The following CRPPA variants were observed in gnomAD, a reference collection of about 807,000 sequenced individuals.
CRPPA encodes CDP-L-ribitol pyrophosphorylase A.
CRPPA carries 43 observed loss-of-function variants against 52.0 expected under a neutral mutation model. The ratio of observed to expected loss-of-function variants is 0.83; its 90% CI spans 0.65 to 1.07. The LOEUF (loss-of-function observed/expected upper bound fraction) is 1.07, where lower values mean the gene tolerates loss of function less well. Among genes scored for constraint, CRPPA ranks in the 50% least tolerant of loss-of-function variants. The pLI is 0.00. For missense variants in CRPPA, 629 were observed against 551.7 expected, an observed-to-expected ratio of 1.14 and a Z score of -1.40; for synonymous variants, 250 against 203.5, an observed-to-expected ratio of 1.23 and a Z score of -1.94.
chr7:16,187,727 G>C (rs999266631), intron 9 of CRPPA, among the ~76,000 whole-genome samples: 1 of 152,166 alleles, frequency 6.6e-6, no homozygotes, highest in African/African-American at 2.4e-5. Flanking sequence ...TGGTAATTTT[G>C]AGGGAATATG....
intron 9 of CRPPA, among the ~76,000 whole-genome samples, chr7:16,213,308 C>T (rs1043817114): frequency 2.0e-5 from 3 of 152,124 alleles, no homozygotes; most frequent in Non-Finnish European, 4.4e-5. Flanking sequence ...TAATATTTTA[C>T]ACATAGAATT....
intron 3 of CRPPA, among the ~76,000 whole-genome samples, chr7:16,333,640 T>G (rs918555514): frequency 2.0e-5 from 3 of 152,290 alleles, no homozygotes; most frequent in Admixed American, 2.0e-4. Context: ...AAGAGTCAAT[T>G]AATTCAAATG....
chr7:16,255,145 T>C (rs1198981145), intron 8 of CRPPA, among the ~76,000 whole-genome samples: 13 of 152,078 alleles, frequency 8.5e-5, no homozygotes, highest in African/African-American at 3.1e-4. Flanking sequence ...TATATACCAA[T>C]ATCAGACAAA....
At chr7:16,110,052 T>G (rs1359444816) in intron 9 of CRPPA, among the ~76,000 whole-genome samples, 1 of 151,934 alleles carries the variant, frequency 6.6e-6, no homozygotes, top group Non-Finnish European at 1.5e-5. Context: ...TAGAAAGCTG[T>G]TAACAGTTGA....
chr7:16,413,894 T>G (rs1422913128), intron 1 of CRPPA, among the ~76,000 whole-genome samples: 2 of 152,148 alleles, frequency 1.3e-5, no homozygotes, highest in Non-Finnish European at 2.9e-5. Context: ...TCTCCCCAAA[T>G]TTACCTGGAG....
chr7:16,234,337 A>G (rs1782882985), intron 8 of CRPPA, among the ~76,000 whole-genome samples: 1 of 152,182 alleles, frequency 6.6e-6, no homozygotes, highest in Non-Finnish European at 1.5e-5. Context: ...GGACACATAC[A>G]GAAAACAATT....
chr7:16,194,497 A>G (rs553570476), intron 9 of CRPPA, among the ~76,000 whole-genome samples: 1 of 152,272 alleles, frequency 6.6e-6, no homozygotes, highest in South Asian at 2.1e-4. Context: ...CAAGAAACTA[A>G]AATCTGTCAA....
In CRPPA at chr7:16,406,264, T is replaced by A; in HGVS notation, c.331A>T (p.Lys111Ter). ...NMEVMKSIIQ[K>*]YQHKRISLVE... ...AGTGAGATGCGTTTATGCTGATACT[T>A]CTGAATAATACTTTTCATTACTTCC... is the stretch of plus-strand genomic sequence containing the variant. The change falls in exon 2 of 10, where the codon AAG becomes TAG. Residue 111 changes from lysine to a stop codon, truncating the protein, a stop_gained. Coordinates refer to ENST00000407010, the MANE Select transcript of CRPPA (RefSeq NM_001101426.4). LOFTEE classifies it high-confidence loss of function. 1 of 1,613,962 alleles carries A rather than the reference T, an allele frequency of 6.2e-7. No individual in the cohort carries two copies. Among genetic ancestry groups the A allele is most frequent in the Non-Finnish European group, 8.5e-7 (1 of 1,179,856 alleles).
chr7:16,178,274 C>G (rs1247878575), intron 9 of CRPPA, among the ~76,000 whole-genome samples: 1 of 152,026 alleles, frequency 6.6e-6, no homozygotes, highest in East Asian at 1.9e-4. Flanking sequence ...AATGACCATA[C>G]AGCAATTACT....
chr7:16,412,955 G>A (rs1788106574), intron 1 of CRPPA, among the ~76,000 whole-genome samples: 1 of 152,056 alleles, frequency 6.6e-6, no homozygotes, highest in Non-Finnish European at 1.5e-5. Flanking sequence ...CAGATCTATT[G>A]GGAACAGAAC....
chr7:16,338,693 C>T (rs59440007), intron 3 of CRPPA, among the ~76,000 whole-genome samples: 37,924 of 151,926 alleles, frequency 0.25, 5,058 homozygotes, highest in Admixed American at 0.32. Context: ...AAGGCATAAT[C>T]TAAAATTCAC....
intron 2 of CRPPA, among the ~76,000 whole-genome samples, chr7:16,397,168 TGACAC>T (rs963330670): frequency 3.7e-4 from 56 of 152,348 alleles, no homozygotes; most frequent in African/African-American, 1.3e-3. Context: ...AAAATGCCAA[TGACAC>T]GACACATTAT....
intron 3 of CRPPA, among the ~76,000 whole-genome samples, chr7:16,346,612 A>AT (rs1786020483): frequency 6.6e-6 from 1 of 152,118 alleles, no homozygotes; most frequent in South Asian, 2.1e-4. Flanking sequence ...ATTTGTCATA[A>AT]TTTTTTTATT....
chr7:16,280,910 C>T (rs796101649), intron 5 of CRPPA, among the ~76,000 whole-genome samples: 3 of 152,106 alleles, frequency 2.0e-5, no homozygotes, highest in Non-Finnish European at 2.9e-5. Flanking sequence ...GTCCCAGCTA[C>T]GCAGGAGGCT....
chr7:16,169,609 G>A (rs1048169246), intron 9 of CRPPA, among the ~76,000 whole-genome samples: 1 of 152,212 alleles, frequency 6.6e-6, no homozygotes, highest in African/African-American at 2.4e-5. Context: ...AAAAATATAT[G>A]CATTTAATGA....
chr7:16,411,965 A>C (rs543188463), intron 1 of CRPPA, among the ~76,000 whole-genome samples: 1 of 152,330 alleles, frequency 6.6e-6, no homozygotes, highest in South Asian at 2.1e-4. Context: ...TAAATGTTAA[A>C]ATATGATGAA....
intron 2 of CRPPA, among the ~76,000 whole-genome samples, chr7:16,380,327 C>G (rs1381215016): frequency 6.6e-6 from 1 of 151,676 alleles, no homozygotes; most frequent in East Asian, 1.9e-4. Flanking sequence ...GCCTTGCATC[C>G]CAGGGATGAA....
intron 3 of CRPPA, among the ~76,000 whole-genome samples, chr7:16,330,419 G>T (rs749415424): frequency 6.6e-6 from 1 of 152,168 alleles, no homozygotes; most frequent in Non-Finnish European, 1.5e-5. Flanking sequence ...TCTTATATCC[G>T]TAAGAGAAGT....
chr7:16,332,285 C>G (rs1785569503), intron 3 of CRPPA, among the ~76,000 whole-genome samples: 1 of 152,060 alleles, frequency 6.6e-6, no homozygotes, highest in South Asian at 2.1e-4. Context: ...AATAAACCTG[C>G]TTTGCTAGCA....
Sources: allele counts gnomAD v4.1 joint callset (sites outside exome capture counted in the v4.1 genomes callset), GRCh38; gene constraint gnomAD v4.1.1; transcripts MANE v1.5; gene names NCBI Gene and HGNC (gene_info 2026-07-23, HGNC 2026-07-21).